FRMD4A: variants seen among roughly 807,000 people sequenced by gnomAD.
FRMD4A encodes the protein FERM domain containing 4A, also known as FERM domain-containing protein 4A.
FRMD4A carries 29 observed loss-of-function variants against 129.1 expected under a neutral mutation model. The observed-to-expected ratio is 0.22, with a 90% CI of 0.17 to 0.31. The LOEUF is 0.31. FRMD4A is among the 10% of genes least tolerant of loss of function. FRMD4A has a pLI of 1.00. For missense variants in FRMD4A, 1,272 were observed against 1,375.8 expected (o/e 0.92, Z 1.19); for synonymous variants, 634 against 571.6 (o/e 1.11, Z -1.56).
intron 2 of FRMD4A, among the ~76,000 whole-genome samples, chr10:14,173,801 C>G (rs1249097682): frequency 6.6e-6 from 1 of 152,046 alleles, no homozygotes. Flanking sequence ...TCCCATTGTC[C>G]ACGCTGACAG....
chr10:13,913,363 C>T (rs953214275), intron 2 of FRMD4A, among the ~76,000 whole-genome samples: 1 of 152,104 alleles, frequency 6.6e-6, no homozygotes, highest in African/African-American at 2.4e-5. Context: ...AAAATTGGGG[C>T]AATGGTTGCA....
chr10:14,091,015 C>T (rs927292055), intron 2 of FRMD4A, among the ~76,000 whole-genome samples: 7 of 152,016 alleles, frequency 4.6e-5, no homozygotes, highest in African/African-American at 1.7e-4. Context: ...TACCTAGTCA[C>T]TATCCCAGGT....
chr10:14,013,362 G>C (rs949121194), intron 2 of FRMD4A, among the ~76,000 whole-genome samples: 7 of 152,106 alleles, frequency 4.6e-5, no homozygotes, highest in Non-Finnish European at 8.8e-5. Flanking sequence ...AAGGAGTTAG[G>C]CCTCTAAGCA....
chr10:13,863,003 C>T (rs1178545720), intron 2 of FRMD4A, among the ~76,000 whole-genome samples: 2 of 150,294 alleles, frequency 1.3e-5, no homozygotes, highest in Admixed American at 6.7e-5. Context: ...GCCCTGGCAT[C>T]ACCCTCAAAG....
At chr10:14,044,647 C>T (rs1025679911) in intron 2 of FRMD4A, among the ~76,000 whole-genome samples, 4 of 152,218 alleles carry the variant, frequency 2.6e-5, no homozygotes, top group Admixed American at 2.0e-4. Flanking sequence ...TTCTCCTGAG[C>T]CTTCAGAGGC....
At chr10:14,303,489 T>C (rs1342485864) in intron 2 of FRMD4A, among the ~76,000 whole-genome samples, 1 of 152,216 alleles carries the variant, frequency 6.6e-6, no homozygotes, top group East Asian at 1.9e-4. Flanking sequence ...ACCAAGTCCT[T>C]GGATTGGTGA....
chr10:14,224,868 G>C (rs1031598454), intron 2 of FRMD4A, among the ~76,000 whole-genome samples: 1 of 152,204 alleles, frequency 6.6e-6, no homozygotes, highest in Non-Finnish European at 1.5e-5. Context: ...AACTGATGTA[G>C]AGCAGGTCCA....
chr10:14,216,546 G>C (rs146936415), intron 2 of FRMD4A, among the ~76,000 whole-genome samples: 128 of 152,254 alleles, frequency 8.4e-4, no homozygotes, highest in African/African-American at 3.0e-3. Context: ...AAAAGTAGAA[G>C]AGATTTGATT....
intron 2 of FRMD4A, among the ~76,000 whole-genome samples, chr10:14,296,419 C>T (rs1427618136): frequency 2.6e-5 from 4 of 152,184 alleles, no homozygotes; most frequent in African/African-American, 9.7e-5. Context: ...CTGCCCTTGC[C>T]TCTCTCAAGC....
intron 2 of FRMD4A, among the ~76,000 whole-genome samples, chr10:14,019,716 A>G (rs1051004061): frequency 6.6e-6 from 1 of 152,272 alleles, no homozygotes; most frequent in African/African-American, 2.4e-5. Context: ...GCCAGATCAG[A>G]TGGACAGTGA....
At chr10:14,141,547 C>T (rs1365781300) in intron 2 of FRMD4A, among the ~76,000 whole-genome samples, 2 of 150,308 alleles carry the variant, frequency 1.3e-5, no homozygotes, top group African/African-American at 4.9e-5. Flanking sequence ...ACGTACATCA[C>T]ATTGCTCCAC....
At chr10:14,164,186 G>A (rs183350987) in intron 2 of FRMD4A, among the ~76,000 whole-genome samples, 56 of 152,330 alleles carry the variant, frequency 3.7e-4, no homozygotes, top group Admixed American at 3.7e-3. Context: ...TAGGTCTTTC[G>A]TCTACCTTCT....
At position 14,174,952 on chromosome 10, in the gene FRMD4A, C is replaced by A. The variant is rs111524534; in HGVS notation, c.45+155106G>T. Among the ~76,000 whole-genome samples, 1,267 of 149,760 alleles carry A rather than the reference C, an allele frequency of 8.5e-3. 18 individuals carry two copies. The highest frequency in any genetic ancestry group is 0.029 in the African/African-American group (1,194 of 40,542). On this transcript the variant is annotated intron_variant, in intron 2 of 24. Coordinates refer to ENST00000357447, the MANE Select transcript of FRMD4A (RefSeq NM_018027.5). ...GCGTACGGGCACACTGTCCAGGAGT[C>A]CAAATAAATCAGGATTGACTGTTTC...
chr10:13,796,621 T>C, intron 4 of FRMD4A, 33 bp from the exon 5 acceptor site: 1 of 1,181,914 alleles, frequency 8.5e-7, no homozygotes, highest in Non-Finnish European at 1.3e-6. Context: ...GGTTAGGGGT[T>C]TGCATTTTGC....
chr10:14,109,659 T>C (rs1837777637), intron 2 of FRMD4A, among the ~76,000 whole-genome samples: 4 of 152,132 alleles, frequency 2.6e-5, no homozygotes, highest in Admixed American at 2.6e-4. Flanking sequence ...GCCTAGAAGT[T>C]TACATTATTT....
chr10:13,864,156 C>A (rs1032416455), intron 2 of FRMD4A, among the ~76,000 whole-genome samples: 1 of 151,338 alleles, frequency 6.6e-6, no homozygotes, highest in Non-Finnish European at 1.5e-5. Flanking sequence ...CCAACACGCT[C>A]CTGTAATTTT....
chr10:14,298,504 A>G (rs1247188697), intron 2 of FRMD4A, among the ~76,000 whole-genome samples: 2 of 152,206 alleles, frequency 1.3e-5, no homozygotes, highest in African/African-American at 4.8e-5. Flanking sequence ...CTCAGCTGCA[A>G]GAAAATACTG....
intron 2 of FRMD4A, among the ~76,000 whole-genome samples, chr10:14,202,880 C>T (rs1220970715): frequency 6.6e-6 from 1 of 152,152 alleles, no homozygotes; most frequent in African/African-American, 2.4e-5. Context: ...TCAAGTGATC[C>T]TCCCACTTCA....
intron 2 of FRMD4A, among the ~76,000 whole-genome samples, chr10:14,272,997 C>G (rs887135887): frequency 5.9e-5 from 9 of 151,900 alleles, no homozygotes; most frequent in Non-Finnish European, 1.0e-4. Flanking sequence ...AGACGGATTG[C>G]CTGAGCTCAG....
Sources: gnomAD v4.1 joint callset for allele counts (sites outside exome capture counted in the v4.1 genomes callset) on GRCh38, gnomAD v4.1.1 for gene constraint, MANE v1.5 for transcripts, NCBI Gene and HGNC (gene_info 2026-07-23, HGNC 2026-07-21) for gene names.